The following PRKDC variants were observed in gnomAD, a reference collection of about 807,000 sequenced individuals.
PRKDC encodes the protein protein kinase, DNA-activated, catalytic subunit, also known as DNA-dependent protein kinase catalytic subunit.
PRKDC carries 82 observed loss-of-function variants against 486.9 expected under a neutral mutation model. That is an observed-to-expected ratio of 0.17 (90% CI 0.14 to 0.20). The LOEUF (loss-of-function observed/expected upper bound fraction) is 0.20, where lower values mean the gene tolerates loss of function less well. Ranked by LOEUF, PRKDC falls within the 10% of genes least tolerant of loss-of-function variation. The probability of loss-of-function intolerance (pLI) is 1.00; values close to 1 mark genes in which losing one functional copy is unlikely to be tolerated. For synonymous variants in PRKDC, 1,895 were observed against 1,837.0 expected (o/e 1.03, Z -0.81); for missense variants, 4,504 against 5,038.2 (o/e 0.89, Z 3.21).
intron 21 of PRKDC, among the ~76,000 whole-genome samples, chr8:47,920,121 G>T (rs1055267036): frequency 6.6e-6 from 1 of 152,168 alleles, no homozygotes; most frequent in Non-Finnish European, 1.5e-5. Flanking sequence ...CTATAGAAAC[G>T]ATGCTTATCA....
At chr8:47,858,819 A>T (rs2088605170) in intron 47 of PRKDC, 30 bp downstream of exon 47, 1 of 1,606,176 alleles carries the variant, frequency 6.2e-7, no homozygotes, top group South Asian at 1.1e-5. Flanking sequence ...TGAATATAGT[A>T]TTAACAGGTA....
At chr8:47,861,991 G>A (rs1490707046) in intron 44 of PRKDC, 71 bp downstream of exon 44, 13 of 1,225,974 alleles carry the variant, frequency 1.1e-5, no homozygotes, top group Admixed American at 4.7e-5. Context: ...GCAACTTAAC[G>A]TGTTTGACAT....
intron 68 of PRKDC, among the ~76,000 whole-genome samples, chr8:47,810,674 A>T (rs1182673388): frequency 6.6e-6 from 1 of 152,236 alleles, no homozygotes; most frequent in Non-Finnish European, 1.5e-5. Flanking sequence ...CCAGGAGGTC[A>T]AGAAAAACAC....
chr8:47,879,358 C>T, intron 39 of PRKDC, 133 bp downstream of exon 39: 1 of 775,490 alleles, frequency 1.3e-6, no homozygotes, highest in Non-Finnish European at 2.0e-6. Context: ...GTAGAAAGAA[C>T]ATTTTGAATA....
At chr8:47,834,697 T>C (rs967095261) in intron 58 of PRKDC, among the ~76,000 whole-genome samples, 16 of 149,022 alleles carry the variant, frequency 1.1e-4, no homozygotes, top group African/African-American at 3.7e-4. Flanking sequence ...TTTTTTTTTT[T>C]TTTTTTTTTT....
At chr8:47,921,014 G>C (rs1275819162) in intron 21 of PRKDC, among the ~76,000 whole-genome samples, 1 of 152,176 alleles carries the variant, frequency 6.6e-6, no homozygotes, top group Non-Finnish European at 1.5e-5. Flanking sequence ...AGCACTTTGG[G>C]AGGCCGAGGG....
At chr8:47,802,556 C>G (rs940364112) in intron 70 of PRKDC, among the ~76,000 whole-genome samples, 4 of 148,832 alleles carry the variant, frequency 2.7e-5, no homozygotes, top group Admixed American at 6.8e-5. Context: ...GATTTTGGCT[C>G]GCTGCAACCT....
At chr8:47,898,199 A>T (rs890120704) in intron 29 of PRKDC, among the ~76,000 whole-genome samples, 1 of 152,252 alleles carries the variant, frequency 6.6e-6, no homozygotes, top group Non-Finnish European at 1.5e-5. Context: ...AGTGCATATT[A>T]AATAAAACGT....
chr8:47,878,749 T>C (rs1344870563), intron 39 of PRKDC, among the ~76,000 whole-genome samples: 2 of 152,236 alleles, frequency 1.3e-5, no homozygotes, highest in Non-Finnish European at 2.9e-5. Context: ...TCCTATCTCA[T>C]GGACATAATA....
intron 64 of PRKDC, among the ~76,000 whole-genome samples, chr8:47,823,014 G>A (rs993416960): frequency 6.6e-6 from 1 of 152,058 alleles, no homozygotes; most frequent in Non-Finnish European, 1.5e-5. Context: ...GGCCTGGTGA[G>A]AGGTGTTTGG....
chr8:47,916,820 A>G (rs906023880), intron 22 of PRKDC, among the ~76,000 whole-genome samples: 3 of 152,208 alleles, frequency 2.0e-5, no homozygotes, highest in Admixed American at 2.0e-4. Context: ...CTCAGAGTCA[A>G]CGCTAGAGAA....
At chr8:47,831,210 C>T (rs2087862989) in intron 60 of PRKDC, among the ~76,000 whole-genome samples, 1 of 152,260 alleles carries the variant, frequency 6.6e-6, no homozygotes. Flanking sequence ...CATGGCTGGG[C>T]GGCAGGGCTT....
intron 63 of PRKDC, 146 bp downstream of exon 63, chr8:47,826,510 C>T (rs1010699595): frequency 1.2e-6 from 1 of 813,726 alleles, no homozygotes; most frequent in Non-Finnish European, 1.9e-6. Context: ...GAATGGTACT[C>T]AGCCTGAAAG....
At position 47,886,049 on chromosome 8, in the gene PRKDC, C is replaced by T; in HGVS notation, c.4671G>A (p.Glu1557=). 3.1e-6 allele frequency: 5 copies of T among 1,613,792 alleles called. No homozygotes were observed. The highest frequency in any genetic ancestry group is 4.2e-6 in the Non-Finnish European group (5 of 1,179,894). Residue 1557 remains glutamate (E), a synonymous_variant, in exon 36 of 86, where the codon GAG becomes GAA. Transcript: ENST00000314191. ...QGSVIHFSHG[E]YFYSLFSETI... ...TTTCTGAGAACAAGCTATAGAAATA[C>T]TCCCCATGGGAGAAGTGGATGACGC... is the stretch of plus-strand genomic sequence containing the variant.
intron 68 of PRKDC, among the ~76,000 whole-genome samples, chr8:47,812,138 C>A (rs929453471): frequency 6.6e-6 from 1 of 152,076 alleles, no homozygotes; most frequent in African/African-American, 2.4e-5. Context: ...AAATACAGTA[C>A]GTAAAAATAC....
At chr8:47,922,587 G>A (rs776774463) in intron 21 of PRKDC, among the ~76,000 whole-genome samples, 1 of 152,076 alleles carries the variant, frequency 6.6e-6, no homozygotes, top group South Asian at 2.1e-4. Context: ...TGGGATTACA[G>A]GTGTGAGCCA....
intron 68 of PRKDC, among the ~76,000 whole-genome samples, chr8:47,813,906 G>A (rs1238559307): frequency 6.6e-6 from 1 of 152,036 alleles, no homozygotes; most frequent in African/African-American, 2.4e-5. Flanking sequence ...AAGGGAACAT[G>A]CCTTACTCAT....
intron 40 of PRKDC, among the ~76,000 whole-genome samples, chr8:47,876,564 C>T (rs1297972873): frequency 6.6e-6 from 1 of 151,458 alleles, no homozygotes. Flanking sequence ...GGGAGGCTGA[C>T]GCAGGAGAAT....
chr8:47,853,733 G>C (rs1217009751), intron 51 of PRKDC, among the ~76,000 whole-genome samples: 3 of 152,108 alleles, frequency 2.0e-5, no homozygotes, highest in Non-Finnish European at 2.9e-5. Context: ...TTCCAGCATG[G>C]ATATGAAAAA....
Sources: gnomAD v4.1 joint callset for allele counts (sites outside exome capture counted in the v4.1 genomes callset) on GRCh38, gnomAD v4.1.1 for gene constraint, MANE v1.5 for transcripts, NCBI Gene and HGNC (gene_info 2026-07-23, HGNC 2026-07-21) for gene names.